The following UBR4 variants were observed in gnomAD, a reference collection of about 807,000 sequenced individuals.
UBR4 encodes E3 ubiquitin-protein ligase UBR4.
In UBR4, 124 loss-of-function variants were observed where a neutral mutation model predicts 575.6. That is an observed-to-expected ratio of 0.22 (90% confidence interval 0.19 to 0.25). The LOEUF (loss-of-function observed/expected upper bound fraction) is 0.25. UBR4 is among the 10% of genes least tolerant of loss of function. The pLI is 1.00. For missense variants in UBR4, 4,818 were observed against 6,478.8 expected, an observed-to-expected ratio of 0.74 and a Z score of 8.80; for synonymous variants, 2,455 against 2,473.7, an observed-to-expected ratio of 0.99 and a Z score of 0.22.
chr1:19,200,154 C>T (rs2092673968), intron 2 of UBR4, among the ~76,000 whole-genome samples: 1 of 152,100 alleles, frequency 6.6e-6, no homozygotes, highest in South Asian at 2.1e-4. Flanking sequence ...AGAGTTCATG[C>T]TCTTAACCAC....
chr1:19,197,318 A>C (rs202121890), intron 7 of UBR4, 53 bp from the exon 8 acceptor site: 1 of 1,609,858 alleles, frequency 6.2e-7, no homozygotes, highest in South Asian at 1.1e-5. Context: ...CACTTCTATA[A>C]TGTGACAGTT....
At position 19,151,210 on chromosome 1, in the gene UBR4, G is replaced by C. The variant is rs534838927; in HGVS notation, c.7214-417C>G. On this transcript the variant is annotated intron_variant, in intron 48 of 105. Transcript: ENST00000375254. ...ATAAATGACAGAGAAATGCAGTCTT[G>C]AGTAAGGCTCAAGGATTTGTATTCT... The C allele has an allele frequency of 1.8e-5, 6 of 325,440 alleles. No homozygotes were observed. The East Asian group carries it at 4.5e-4, about 25-fold the overall frequency. The allele number at this position is 325,440 out of a possible 1,614,324, so 20.2% of individuals were successfully genotyped here.
In UBR4 at chr1:19,104,149, T is replaced by C; in HGVS notation, c.12836A>G (p.Gln4279Arg). The C allele has an allele frequency of 6.2e-7, 1 of 1,614,246 alleles. No individual in the cohort carries two copies. Among genetic ancestry groups the C allele is most frequent in the Non-Finnish European group, 8.5e-7 (1 of 1,180,056 alleles). Residue 4279 changes from glutamine to arginine, a missense_variant, in exon 87 of 106, where the codon CAG becomes CGG. Physicochemically the swap from Gln to Arg is conservative, Grantham distance 43 (BLOSUM62 1). Transcript: ENST00000375254. ...CGTCTCATCGATCAGCTTGGTCCTC[T>C]GCACCACCAGCTTCCGCAAGCACAG... ...GYLCLRKLVV[Q>R]RTKLIDETQD...
chr1:19,099,448 T>C (rs1378861879), intron 90 of UBR4, 149 bp downstream of exon 90: 1 of 636,166 alleles, frequency 1.6e-6, no homozygotes, highest in East Asian at 2.8e-5. Flanking sequence ...AGATTGGTTT[T>C]CTCCACACAA....
chr1:19,112,544 C>T lies in UBR4; in HGVS notation c.11781G>A (p.Gln3927=). The T allele has an allele frequency of 6.2e-7, 1 of 1,612,040 alleles. No individual in the cohort carries two copies. Residue 3927 remains glutamine, a synonymous_variant, in exon 78 of 106, where the codon CAG becomes CAA. Coordinates refer to ENST00000375254, the MANE Select transcript of UBR4 (RefSeq NM_020765.3). ...CTGACCGAGTTAGGAGGCACATGAG[C>T]TGGCGGACCTCCTCCCGCATGGCCG... ...GAAAMREEVR[Q]LMCLLTRDNP... is the part of the protein sequence containing the mutation.
At chr1:19,108,561 A>C (rs2079491937) in intron 81 of UBR4, among the ~76,000 whole-genome samples, 1 of 152,108 alleles carries the variant, frequency 6.6e-6, no homozygotes, top group South Asian at 2.1e-4. Flanking sequence ...GTGGAGATTT[A>C]ATAAAATTAA....
chr1:19,198,066 G>T lies in UBR4; in HGVS notation c.649-17C>A, dbSNP rs370944120. On this transcript the variant is annotated splice_polypyrimidine_tract_variant and intron_variant, in intron 5 of 105. Coordinates refer to ENST00000375254, the MANE Select transcript of UBR4 (RefSeq NM_020765.3). ...TCCTTCCACCTGAAAAGAAACATAA[G>T]GCCTGTCAAGATACTATTATCTCTT... The T allele has an allele frequency of 1.3e-4, 216 of 1,610,396 alleles. 4 individuals carry two copies. In the South Asian group the frequency reaches 1.5e-3, roughly 11 times the overall value.
chr1:19,141,432 G>C lies in UBR4; in HGVS notation c.8403C>G (p.Pro2801=), dbSNP rs761953400. 2 of 1,614,250 alleles carry C rather than the reference G, an allele frequency of 1.2e-6. No homozygotes were observed. Among genetic ancestry groups the C allele is most frequent in the Middle Eastern group, 1.6e-4 (1 of 6,062 alleles). ...EALLAGAEGF[P]PMLDIPPDAD... is the part of the protein sequence containing the mutation. ...CATCAGGTGGGATGTCCAGCATGGG[G>C]GGGAAGCCCTCTGCGCCTGCCAGCA... Residue 2801 remains proline (P), a synonymous_variant, in exon 57 of 106, where the codon CCC becomes CCG. Transcript: ENST00000375254.
At position 19,184,225 on chromosome 1, in the gene UBR4, G is replaced by C. The variant is rs377762369; in HGVS notation, c.1939-50C>G. On this transcript the variant is annotated intron_variant, in intron 15 of 105. Transcript: ENST00000375254. ...CTCTTATCAGGGTCATAAGCCCAGC[G>C]TTCCTATAAACTCTGATTACAAATA... is the stretch of plus-strand genomic sequence containing the variant. The C allele has an allele frequency of 1.2e-5, 19 of 1,578,326 alleles. 1 individual carries two copies. The highest frequency in any genetic ancestry group is 3.4e-4 in the Middle Eastern group (2 of 5,876).
chr1:19,074,953 C>G, intron 105 of UBR4, 57 bp from the exon 106 acceptor site: 1 of 1,583,484 alleles, frequency 6.3e-7, no homozygotes. Flanking sequence ...CCCCATTCCC[C>G]CTGAGTCACA....
At chr1:19,164,700 T>G in intron 32 of UBR4, 99 bp downstream of exon 32, 1 of 1,450,590 alleles carries the variant, frequency 6.9e-7, no homozygotes, top group Non-Finnish European at 9.5e-7. Context: ...ACAAAAATGC[T>G]GAGAATGCTA....
In UBR4 at chr1:19,092,805, T is replaced by C; in HGVS notation, c.14211+14A>G. 6.2e-7 allele frequency: 1 copy of C among 1,605,430 alleles called. No homozygotes were observed. The highest frequency in any genetic ancestry group is 8.5e-7 in the Non-Finnish European group (1 of 1,175,516). On this transcript the variant is annotated intron_variant, in intron 97 of 105. Coordinates refer to ENST00000375254, the MANE Select transcript of UBR4 (RefSeq NM_020765.3). ...TACCCCTGTACCCTCACACTACCTG[T>C]CCTGGCTACCCACCTGGGTGCCAGG...
intron 11 of UBR4, among the ~76,000 whole-genome samples, chr1:19,188,273 G>T (rs2091750280): frequency 6.6e-6 from 1 of 152,158 alleles, no homozygotes; most frequent in Non-Finnish European, 1.5e-5. Context: ...AAAAAGAGAG[G>T]CCTGGAGCAG....
intron 44 of UBR4, among the ~76,000 whole-genome samples, chr1:19,154,179 G>A (rs552184068): frequency 1.3e-5 from 2 of 152,306 alleles, no homozygotes; most frequent in African/African-American, 2.4e-5. Flanking sequence ...TTCCATGTCC[G>A]AAGAACAGGT....
chr1:19,148,718 G>T, intron 49 of UBR4, 92 bp from the exon 50 acceptor site: 1 of 1,350,594 alleles, frequency 7.4e-7, no homozygotes, highest in Non-Finnish European at 1.0e-6. Flanking sequence ...GGACCTTGGG[G>T]ACAGCTAATG....
chr1:19,092,156 G>A (rs1178832847), intron 97 of UBR4, among the ~76,000 whole-genome samples: 3 of 152,102 alleles, frequency 2.0e-5, no homozygotes, highest in African/African-American at 7.2e-5. Flanking sequence ...CCCTTGTGCT[G>A]ATGAACCTGC....
chr1:19,184,178 G>A lies in UBR4; in HGVS notation c.1939-3C>T. ...ATGTTGGAAGCCAGACCTAAGAACT[G>A]AAAGGAACACACACAAAAAAGCTCT... On this transcript the variant is annotated splice_region_variant and splice_polypyrimidine_tract_variant and intron_variant, in intron 15 of 105. Coordinates refer to ENST00000375254, the MANE Select transcript of UBR4 (RefSeq NM_020765.3). 1 of 1,613,506 alleles carries A rather than the reference G, an allele frequency of 6.2e-7. No homozygotes were observed. The highest frequency in any genetic ancestry group is 8.5e-7 in the Non-Finnish European group (1 of 1,179,782).
intron 11 of UBR4, among the ~76,000 whole-genome samples, chr1:19,190,521 A>G (rs1351340924): frequency 6.6e-6 from 1 of 151,782 alleles, no homozygotes; most frequent in Non-Finnish European, 1.5e-5. Context: ...CATCTCACAT[A>G]GAGGTCTGAC....
chr1:19,140,725 C>T (rs903971374), intron 58 of UBR4, 63 bp downstream of exon 58: 1 of 1,492,058 alleles, frequency 6.7e-7, no homozygotes, highest in Admixed American at 1.9e-5. Flanking sequence ...ACTCTCACAG[C>T]AGTGGAAACA....
Sources: allele counts gnomAD v4.1 joint callset (sites outside exome capture counted in the v4.1 genomes callset), GRCh38; gene constraint gnomAD v4.1.1; transcripts MANE v1.5; gene names NCBI Gene and HGNC (gene_info 2026-07-23, HGNC 2026-07-21).